Variants in JAKMIP2 observed in about 807,000 individuals in gnomAD.
JAKMIP2 encodes janus kinase and microtubule-interacting protein 2.
JAKMIP2 carries 25 observed loss-of-function variants against 115.0 expected under a neutral mutation model. The observed-to-expected ratio is 0.22, with a 90% CI of 0.16 to 0.30. JAKMIP2 has a LOEUF of 0.30. JAKMIP2 is among the 10% of genes least tolerant of loss of function. The probability of loss-of-function intolerance (pLI) is 1.00; values close to 1 mark genes in which losing one functional copy is unlikely to be tolerated. For synonymous variants in JAKMIP2, 334 were observed against 343.6 expected, an observed-to-expected ratio of 0.97 and a Z score of 0.31; for missense variants, 642 against 957.6, an observed-to-expected ratio of 0.67 and a Z score of 4.35.
Position 147,690,505 on chromosome 5 carries a change from A to T in JAKMIP2, c.-148-18551T>A, listed in dbSNP as rs147358762. Among the ~76,000 whole-genome samples the T allele has an allele frequency of 4.4e-3, 642 of 147,538 alleles. 9 individuals are homozygous for T. The highest frequency in any genetic ancestry group is 0.015 in the African/African-American group (617 of 40,478). ...GAGCAAGATGACGAATGAAGTCCAA[A>T]GTATAATGTCATTCATGTAAAAAAC... is the stretch of plus-strand genomic sequence containing the variant. On this transcript the variant is annotated intron_variant, in intron 1 of 21. Transcript: ENST00000616793.
intron 1 of JAKMIP2, among the ~76,000 whole-genome samples, chr5:147,715,563 C>G (rs947442572): frequency 2.6e-5 from 4 of 151,226 alleles, no homozygotes; most frequent in African/African-American, 9.7e-5. Context: ...TTTACTAGAA[C>G]AAATAGGATA....
intron 1 of JAKMIP2, among the ~76,000 whole-genome samples, chr5:147,756,456 A>T (rs1754748192): frequency 6.6e-6 from 1 of 152,214 alleles, no homozygotes; most frequent in Admixed American, 6.5e-5. Flanking sequence ...TCTCATGGTT[A>T]TAAGACATTA....
intron 1 of JAKMIP2, among the ~76,000 whole-genome samples, chr5:147,674,814 A>G (rs1759839130): frequency 6.6e-6 from 1 of 152,238 alleles, no homozygotes; most frequent in Non-Finnish European, 1.5e-5. Context: ...TGAGACCGGG[A>G]ACCAAGCTCT....
At chr5:147,677,159 G>A (rs938305461) in intron 1 of JAKMIP2, among the ~76,000 whole-genome samples, 2 of 152,140 alleles carry the variant, frequency 1.3e-5, no homozygotes, top group African/African-American at 4.8e-5. Context: ...TTGGAGGGAC[G>A]GGGATATGTA....
intron 1 of JAKMIP2, among the ~76,000 whole-genome samples, chr5:147,693,872 ATT>A (rs1335289265): frequency 6.6e-5 from 10 of 152,336 alleles, no homozygotes; most frequent in African/African-American, 2.4e-4. Context: ...AATAAATAGA[ATT>A]TCATAAAATC....
At chr5:147,772,819 C>T (rs1380122244) in intron 1 of JAKMIP2, among the ~76,000 whole-genome samples, 1 of 151,916 alleles carries the variant, frequency 6.6e-6, no homozygotes, top group Non-Finnish European at 1.5e-5. Context: ...AACATTTAAC[C>T]TATCAAAGCT....
At chr5:147,612,032 G>C in intron 20 of JAKMIP2, 1 of 588,322 alleles carries the variant, frequency 1.7e-6, no homozygotes, top group Non-Finnish European at 3.2e-6. Flanking sequence ...TTTTGGAAAG[G>C]AAATGAAGAT....
intron 21 of JAKMIP2, among the ~76,000 whole-genome samples, chr5:147,596,921 G>A (rs1170598431): frequency 5.9e-5 from 9 of 152,072 alleles, no homozygotes; most frequent in Non-Finnish European, 8.8e-5. Context: ...ACCCAGGCTG[G>A]AGTGTAGTGG....
Position 147,755,047 on chromosome 5 carries a change from G to A in JAKMIP2, c.-149+27409C>T, listed in dbSNP as rs143438978. On this transcript the variant is annotated intron_variant, in intron 1 of 21. Coordinates refer to ENST00000616793, the MANE Select transcript of JAKMIP2 (RefSeq NM_001270941.2). ...GATTTTATGACTATAGAGTTGGAGC[G>A]TTATTCCATAGGTATCAAGGACTTT... Among the ~76,000 whole-genome samples the A allele has an allele frequency of 2.7e-3, 413 of 152,240 alleles. 2 individuals carry two copies. The highest frequency in any genetic ancestry group is 8.8e-3 in the African/African-American group (366 of 41,550).
chr5:147,596,804 A>G (rs1019777839), intron 21 of JAKMIP2, among the ~76,000 whole-genome samples: 9 of 152,200 alleles, frequency 5.9e-5, no homozygotes, highest in African/African-American at 2.2e-4. Context: ...ACTAACTGGC[A>G]TAAACTGATT....
intron 1 of JAKMIP2, among the ~76,000 whole-genome samples, chr5:147,692,006 G>A (rs1751880195): frequency 6.6e-6 from 1 of 152,076 alleles, no homozygotes; most frequent in African/African-American, 2.4e-5. Flanking sequence ...CAGCTCCAGT[G>A]TCATTGACTC....
intron 1 of JAKMIP2, among the ~76,000 whole-genome samples, chr5:147,714,655 C>G: frequency 6.6e-6 from 1 of 152,096 alleles, no homozygotes; most frequent in Middle Eastern, 3.4e-3. Context: ...TCACAGACAA[C>G]GAGGAAATCT....
intron 1 of JAKMIP2, among the ~76,000 whole-genome samples, chr5:147,687,125 A>G (rs1360241914): frequency 1.3e-5 from 2 of 151,976 alleles, no homozygotes; most frequent in Admixed American, 1.3e-4. Flanking sequence ...CCACTTACTC[A>G]CCTCCTACTG....
chr5:147,743,356 A>G (rs1182956481), intron 1 of JAKMIP2, among the ~76,000 whole-genome samples: 2 of 152,208 alleles, frequency 1.3e-5, no homozygotes, highest in African/African-American at 4.8e-5. Flanking sequence ...TGGTACTTGA[A>G]TAGTAGTATT....
chr5:147,623,892 A>G (rs1032623938), intron 16 of JAKMIP2, among the ~76,000 whole-genome samples: 4 of 152,114 alleles, frequency 2.6e-5, no homozygotes, highest in African/African-American at 4.8e-5. Flanking sequence ...GCTGGAGTGC[A>G]GTGACGTTAT....
intron 19 of JAKMIP2, among the ~76,000 whole-genome samples, chr5:147,612,912 C>T (rs949881564): frequency 6.6e-6 from 1 of 152,128 alleles, no homozygotes; most frequent in Non-Finnish European, 1.5e-5. Flanking sequence ...TTATCTTAAC[C>T]CCATTTCAAC....
At chr5:147,702,132 C>T (rs892467706) in intron 1 of JAKMIP2, among the ~76,000 whole-genome samples, 10 of 152,080 alleles carry the variant, frequency 6.6e-5, no homozygotes, top group African/African-American at 2.2e-4. Context: ...CTAGTGAAAC[C>T]CAATTCTAGA....
At chr5:147,766,723 T>A (rs1163363241) in intron 1 of JAKMIP2, among the ~76,000 whole-genome samples, 1 of 152,122 alleles carries the variant, frequency 6.6e-6, no homozygotes, top group Non-Finnish European at 1.5e-5. Flanking sequence ...TTCATTTGAT[T>A]TTTCCTTCTA....
chr5:147,768,362 C>T (rs906906926), intron 1 of JAKMIP2, among the ~76,000 whole-genome samples: 2 of 152,102 alleles, frequency 1.3e-5, no homozygotes, highest in Non-Finnish European at 2.9e-5. Context: ...AAGAACCCAT[C>T]GTAGCTGTTA....
Sources: gnomAD v4.1 joint callset for allele counts (sites outside exome capture counted in the v4.1 genomes callset) on GRCh38, gnomAD v4.1.1 for gene constraint, MANE v1.5 for transcripts, NCBI Gene and HGNC (gene_info 2026-07-23, HGNC 2026-07-21) for gene names.